Variants in ECM2 observed in about 807,000 individuals in gnomAD.
ECM2 encodes the protein extracellular matrix protein 2, female organ and adipocyte specific.
Under a neutral mutation model 67.5 loss-of-function variants are expected in ECM2, and 57 were observed. That is an observed-to-expected ratio of 0.84 (90% confidence interval 0.68 to 1.05). The LOEUF (loss-of-function observed/expected upper bound fraction) is 1.05, where lower values mean the gene tolerates loss of function less well. Ranked by LOEUF, ECM2 falls within the 50% of genes least tolerant of loss-of-function variation. The pLI is 0.00. For missense variants in ECM2, 741 were observed against 822.8 expected (o/e 0.90, Z 1.22); for synonymous variants, 258 against 294.5 (o/e 0.88, Z 1.27).
At chr9:92,500,619 C>G in intron 9 of ECM2, 108 bp downstream of exon 9, 2 of 1,152,710 alleles carry the variant, frequency 1.7e-6, no homozygotes, top group Non-Finnish European at 2.5e-6. Flanking sequence ...CCCCTTAGCA[C>G]CATTTTTTTT....
intron 1 of ECM2, among the ~76,000 whole-genome samples, chr9:92,523,411 G>T (rs1443434430): frequency 1.3e-5 from 2 of 152,136 alleles, no homozygotes; most frequent in Non-Finnish European, 2.9e-5. Flanking sequence ...ATATGTTGGG[G>T]ACCAGCCTCA....
intron 9 of ECM2, among the ~76,000 whole-genome samples, chr9:92,499,613 A>G (rs1389752539): frequency 6.6e-6 from 1 of 152,260 alleles, no homozygotes; most frequent in Non-Finnish European, 1.5e-5. Flanking sequence ...GCAATGCAGT[A>G]TGAAGCATAT....
At chr9:92,516,182 G>T (rs1221621615) in intron 3 of ECM2, among the ~76,000 whole-genome samples, 1 of 151,650 alleles carries the variant, frequency 6.6e-6, no homozygotes, top group African/African-American at 2.4e-5. Context: ...TCCTGCCTCA[G>T]CCTCCCAAGT....
At position 92,515,099 on chromosome 9, in the gene ECM2, G is replaced by A. The variant is rs1449938632; in HGVS notation, c.586C>T (p.Pro196Ser). ...CGGTCCATTCCCACCTGAGGAGGTG[G>A]CAGTTGCTTATGAAGTAAATTGGTA... ...EPTNLLHKQL[P>S]PPQVGMDRIV... Residue 196 changes from proline (P) to serine (S), a missense_variant, in exon 4 of 10, where the codon CCA becomes TCA. Physicochemically the swap from Pro to Ser is moderately conservative, Grantham distance 74. Coordinates refer to ENST00000344604, the MANE Select transcript of ECM2 (RefSeq NM_001393.4). 9 of 1,613,960 alleles carry A rather than the reference G, an allele frequency of 5.6e-6. No individual in the cohort carries two copies. Among genetic ancestry groups the A allele is most frequent in the Non-Finnish European group, 6.8e-6 (8 of 1,180,014 alleles).
At chr9:92,503,473 C>A (rs981553795) in intron 7 of ECM2, among the ~76,000 whole-genome samples, 5 of 152,146 alleles carry the variant, frequency 3.3e-5, no homozygotes, top group Non-Finnish European at 7.4e-5. Flanking sequence ...TTTAGATTTG[C>A]TTTTGTTATA....
intron 1 of ECM2, among the ~76,000 whole-genome samples, chr9:92,533,411 A>G (rs929740329): frequency 3.9e-5 from 5 of 129,092 alleles, no homozygotes; most frequent in African/African-American, 1.5e-4. Flanking sequence ...GCTTGCCTCC[A>G]TTTTGTTTGT....
intron 4 of ECM2, among the ~76,000 whole-genome samples, chr9:92,512,942 T>G (rs2131199075): frequency 6.6e-6 from 1 of 152,304 alleles, no homozygotes; most frequent in African/African-American, 2.4e-5. Context: ...GAGGAGTTCC[T>G]TAGGTGATCA....
chr9:92,552,151 A>AGATCTATCATATATATGTGATGTGATAT, the ECM2 span, among the ~76,000 whole-genome samples: 2 of 143,566 alleles, frequency 1.4e-5, no homozygotes, highest in Non-Finnish European at 3.0e-5. Context: ...GTGATATGAT[A>AGATCTATCATATATATGTGATGTGATAT]GATCTATCAT....
rs113741584 is a variant in ECM2, at chr9:92,513,083, A to G, written c.1055-957T>C. On this transcript the variant is annotated intron_variant, in intron 4 of 9. Transcript: ENST00000344604. ...TGACCTTTTCAGCTTCCCTCACCCC[A>G]GCATCTCCAGGGACACCCGTGGCAT... Among the ~76,000 whole-genome samples the G allele has an allele frequency of 3.0e-4, 46 of 152,254 alleles. 1 individual carries two copies. The highest frequency in any genetic ancestry group is 1.1e-3 in the African/African-American group (45 of 41,550).
In ECM2 at chr9:92,522,427, A is replaced by G. The variant is rs1359108653; in HGVS notation, c.292+148T>C. 61 of 943,610 alleles carry G rather than the reference A, an allele frequency of 6.5e-5. No homozygotes were observed. The East Asian group carries it at 1.7e-3, about 26-fold the overall frequency. The allele number at this position is 943,610 out of a possible 1,614,324, so 58.5% of individuals were successfully genotyped here. On this transcript the variant is annotated intron_variant, in intron 2 of 9. Coordinates refer to ENST00000344604, the MANE Select transcript of ECM2 (RefSeq NM_001393.4). ...TTTAAAATGTATGTTTGTAGATTAA[A>G]CCAAAAAGTAATATAATAACCTGGA...
At chr9:92,509,810 C>T (rs2131185223) in intron 6 of ECM2, 89 bp downstream of exon 6, 1 of 1,321,846 alleles carries the variant, frequency 7.6e-7, no homozygotes, top group East Asian at 2.7e-5. Flanking sequence ...ACTATTTATT[C>T]ATTTGGCAAT....
intron 9 of ECM2, 141 bp from the exon 10 acceptor site, chr9:92,496,624 C>G (rs1392819566): frequency 2.9e-6 from 3 of 1,035,350 alleles, no homozygotes; most frequent in Non-Finnish European, 3.9e-6. Context: ...CCAACTACGT[C>G]AGAGATTCAA....
upstream of ECM2, among the ~76,000 whole-genome samples, chr9:92,536,320 T>C (rs1326263540): frequency 6.6e-6 from 1 of 152,176 alleles, no homozygotes; most frequent in African/African-American, 2.4e-5. Context: ...GCATTAAAAA[T>C]GTTAAAGTTT....
At chr9:92,518,878 G>T (rs1847890902) in intron 2 of ECM2, among the ~76,000 whole-genome samples, 1 of 152,144 alleles carries the variant, frequency 6.6e-6, no homozygotes, top group Non-Finnish European at 1.5e-5. Flanking sequence ...GACAGAGCAA[G>T]ACTGTCCCTA....
upstream of ECM2, chr9:92,536,016 A>C (rs1346759533): frequency 2.0e-6 from 1 of 511,036 alleles, no homozygotes; most frequent in Non-Finnish European, 3.9e-6. Flanking sequence ...CTTTCTTTAA[A>C]AACAAAGAAA....
chr9:92,513,829 A>AT (rs1847512574), intron 4 of ECM2, among the ~76,000 whole-genome samples: 1 of 152,178 alleles, frequency 6.6e-6, no homozygotes, highest in Non-Finnish European at 1.5e-5. Context: ...CTATATCTTA[A>AT]TTTTGGTGGT....
chr9:92,510,077 G>T, intron 5 of ECM2, 43 bp from the exon 6 acceptor site: 1 of 1,562,742 alleles, frequency 6.4e-7, no homozygotes, highest in South Asian at 1.2e-5. Context: ...TCTAGTCACA[G>T]CTGTGCAGTC....
intron 1 of ECM2, among the ~76,000 whole-genome samples, chr9:92,530,096 A>G (rs1848653541): frequency 6.6e-6 from 1 of 152,178 alleles, no homozygotes; most frequent in Admixed American, 6.5e-5. Flanking sequence ...TTATATGCAA[A>G]TACTACACCA....
intron 1 of ECM2, among the ~76,000 whole-genome samples, chr9:92,532,015 G>GTTTTTTTTGTTTTTTTTTTTTTTTTTT: frequency 1.0e-5 from 1 of 95,736 alleles, no homozygotes; most frequent in Non-Finnish European, 1.9e-5. Flanking sequence ...TTTATTTAAT[G>GTTTTTTTTGTTTTTTTTTTTTTTTTTT]TTTTTTTTTT....
Sources: allele counts gnomAD v4.1 joint callset (sites outside exome capture counted in the v4.1 genomes callset), GRCh38; gene constraint gnomAD v4.1.1; transcripts MANE v1.5; gene names NCBI Gene and HGNC (gene_info 2026-07-23, HGNC 2026-07-21).